CTNND2: variants seen among roughly 807,000 people sequenced by gnomAD.
The protein encoded by CTNND2 is catenin delta 2.
A neutral mutation model predicts 144.4 loss-of-function variants in CTNND2; 22 were observed. The observed-to-expected ratio is 0.15, with a 90% CI of 0.11 to 0.22. The LOEUF is 0.22. Ranked by LOEUF, CTNND2 falls within the 10% of genes least tolerant of loss-of-function variation. The pLI is 1.00. For missense variants in CTNND2, 1,353 were observed against 1,618.8 expected (o/e 0.84, Z 2.82); for synonymous variants, 751 against 695.6 (o/e 1.08, Z -1.25).
At chr5:11,205,865 A>T in intron 10 of CTNND2, among the ~76,000 whole-genome samples, 1 of 152,200 alleles carries the variant, frequency 6.6e-6, no homozygotes, top group East Asian at 1.9e-4. Context: ...AGCACATTGC[A>T]GTGACTGGAG....
chr5:11,798,194 G>A (rs758504503), intron 1 of CTNND2, among the ~76,000 whole-genome samples: 4 of 151,612 alleles, frequency 2.6e-5, no homozygotes, highest in Non-Finnish European at 2.9e-5. Flanking sequence ...CCCGGGAGGC[G>A]GAGGTTGCAG....
Position 11,384,751 on chromosome 5 carries a change from C to A in CTNND2, c.1091G>T (p.Arg364Leu), listed in dbSNP as rs905114117. The change falls in exon 7 of 22, where the codon CGC becomes CTC. Residue 364 changes from arginine to leucine, a missense_variant. By Grantham distance (102) the Arg-to-Leu change is moderately radical (BLOSUM62 -2). Coordinates refer to ENST00000304623, the MANE Select transcript of CTNND2 (RefSeq NM_001332.4). The surrounding 1 kb of genome is among the most constrained non-coding windows in gnomAD (Gnocchi z 5.2). Reference sequence around the variant, plus strand: ...GTACTGCTCGGACGCGTGGACCAGGCGCTTGGTGGGCGACAGGGTGGCGTA... The same window carrying A: ...GTACTGCTCGGACGCGTGGACCAGGAGCTTGGTGGGCGACAGGGTGGCGTA... ...GTYATLSPTK[R>L]LVHASEQYSK... The A allele has an allele frequency of 1.2e-6, 2 of 1,612,834 alleles. No homozygotes were observed. The highest frequency in any genetic ancestry group is 1.3e-5 in the African/African-American group (1 of 75,024).
intron 11 of CTNND2, among the ~76,000 whole-genome samples, chr5:11,166,605 AG>A (rs1032334488): frequency 2.3e-4 from 35 of 151,830 alleles, no homozygotes; most frequent in African/African-American, 4.8e-5. Flanking sequence ...TGGGAGTGGG[AG>A]GGGGAGGGGT....
intron 16 of CTNND2, among the ~76,000 whole-genome samples, chr5:11,073,446 A>C (rs1461686595): frequency 6.6e-6 from 1 of 152,344 alleles, no homozygotes; most frequent in East Asian, 1.9e-4. Flanking sequence ...TGAGGTCTCT[A>C]AGCCTTTGGG....
At chr5:11,467,309 T>G (rs1766772683) in intron 3 of CTNND2, among the ~76,000 whole-genome samples, 1 of 152,212 alleles carries the variant, frequency 6.6e-6, no homozygotes, top group Admixed American at 6.5e-5. Context: ...TTCCACTTCC[T>G]GCATGGTTTC....
chr5:11,545,224 T>G (rs1426452735), intron 3 of CTNND2, among the ~76,000 whole-genome samples: 1 of 142,330 alleles, frequency 7.0e-6, no homozygotes, highest in African/African-American at 2.7e-5. Context: ...AGGAGGGCTG[T>G]GGAAGGAGAA....
At chr5:11,187,964 G>A (rs575487194) in intron 11 of CTNND2, among the ~76,000 whole-genome samples, 2 of 152,292 alleles carry the variant, frequency 1.3e-5, no homozygotes, top group East Asian at 1.9e-4. Context: ...AGATGCTGGC[G>A]AGGCTGCGGA....
intron 16 of CTNND2, among the ~76,000 whole-genome samples, chr5:11,025,740 TCAAG>T (rs1180568482): frequency 3.3e-5 from 5 of 152,196 alleles, no homozygotes; most frequent in Non-Finnish European, 7.3e-5. Context: ...GCACTACAAC[TCAAG>T]GTAGTGTGCT....
chr5:11,513,358 T>G (rs1307834523), intron 3 of CTNND2, among the ~76,000 whole-genome samples: 1 of 152,214 alleles, frequency 6.6e-6, no homozygotes, highest in Non-Finnish European at 1.5e-5. Flanking sequence ...AATGTTGTCC[T>G]TGACAGCAGG....
At chr5:11,439,986 T>C (rs1284246035) in intron 3 of CTNND2, among the ~76,000 whole-genome samples, 1 of 152,022 alleles carries the variant, frequency 6.6e-6, no homozygotes, top group Non-Finnish European at 1.5e-5. Context: ...CACTGGGACA[T>C]TTCTTAAGAG....
Position 11,397,178 on chromosome 5 carries a change from T to C in CTNND2, c.465A>G (p.Ala155=), listed in dbSNP as rs768410962. 1 of 1,614,172 alleles carries C rather than the reference T, an allele frequency of 6.2e-7. No individual in the cohort carries two copies. The highest frequency in any genetic ancestry group is 1.3e-5 in the African/African-American group (1 of 75,060). Residue 155 remains alanine, a synonymous_variant, in exon 6 of 22, where the codon GCA becomes GCG. Coordinates refer to ENST00000304623, the MANE Select transcript of CTNND2 (RefSeq NM_001332.4). ...GERPSLLSQS[A]LQLNSKPEGS... The stretch of plus-strand genomic sequence containing the variant: ...CTTCAGGTTTGGAATTGAGCTGAAG[T>C]GCACTCTGGGAGAGCAGGCTGGGCC...
chr5:11,903,034 G>T lies in CTNND2; in HGVS notation c.37+783C>A. The stretch of plus-strand genomic sequence containing the variant: ...AGGCTCAACCTGCCGAGTGGCAATC[G>T]AAGAAAACACACTACACACCAGAAT... On this transcript the variant is annotated intron_variant, in intron 1 of 21. Coordinates refer to ENST00000304623, the MANE Select transcript of CTNND2 (RefSeq NM_001332.4). This position sits in a 1 kb window ranked among gnomAD's most constrained non-coding sequence, Gnocchi z 5.4. 3.9e-6 allele frequency: 1 copy of T among 254,282 alleles called. No homozygotes were observed. The highest frequency in any genetic ancestry group is 6.2e-6 in the Non-Finnish European group (1 of 161,554). 15.8% of individuals were successfully genotyped at this position (254,282 alleles called of 1,614,324 possible).
chr5:11,571,558 C>T (rs1015152670), intron 2 of CTNND2, among the ~76,000 whole-genome samples: 15 of 152,234 alleles, frequency 9.9e-5, no homozygotes, highest in African/African-American at 3.4e-4. Context: ...AGAGAAAAAG[C>T]CTCTAGTTTT....
At chr5:11,162,772 A>C (rs1219850222) in intron 11 of CTNND2, among the ~76,000 whole-genome samples, 1 of 148,710 alleles carries the variant, frequency 6.7e-6, no homozygotes, top group African/African-American at 2.4e-5. Context: ...CCTGGACATG[A>C]GACAGGTTTA....
At chr5:11,465,457 T>C (rs1561434187) in intron 3 of CTNND2, among the ~76,000 whole-genome samples, 1 of 152,220 alleles carries the variant, frequency 6.6e-6, no homozygotes, top group Non-Finnish European at 1.5e-5. Flanking sequence ...ACTGTACACC[T>C]AGGCATTCTC....
chr5:11,443,212 GTGTGTGGTGTGTA>G (rs1764441919), intron 3 of CTNND2, among the ~76,000 whole-genome samples: 2 of 129,748 alleles, frequency 1.5e-5, no homozygotes, highest in African/African-American at 5.6e-5. Context: ...GTGTGTATGT[GTGTGTGGTGTGTA>G]TGTGTGTGTG....
At chr5:11,520,922 C>T (rs27352) in intron 3 of CTNND2, among the ~76,000 whole-genome samples, 63,801 of 152,080 alleles carry the variant, frequency 0.42, 13,959 homozygotes, top group South Asian at 0.52. Flanking sequence ...TTTTGTGATG[C>T]AACAATGTGA....
chr5:11,068,743 G>A (rs972944013), intron 16 of CTNND2, among the ~76,000 whole-genome samples: 4 of 152,084 alleles, frequency 2.6e-5, no homozygotes, highest in Admixed American at 6.5e-5. Context: ...GTGAAACCCC[G>A]TCTCTACTAA....
At chr5:11,387,025 T>C (rs1373501355) in intron 6 of CTNND2, among the ~76,000 whole-genome samples, 1 of 152,166 alleles carries the variant, frequency 6.6e-6, no homozygotes, top group Non-Finnish European at 1.5e-5. Context: ...TTCTCAAATC[T>C]AGTTGTATAT....
Sources: allele counts gnomAD v4.1 joint callset (sites outside exome capture counted in the v4.1 genomes callset), GRCh38; gene constraint gnomAD v4.1.1; non-coding constraint Gnocchi (gnomAD v3.1); transcripts MANE v1.5; gene names NCBI Gene and HGNC (gene_info 2026-07-23, HGNC 2026-07-21).